THAP4: variants seen among roughly 807,000 people sequenced by gnomAD.
THAP4 encodes the protein THAP domain containing 4.
THAP4 carries 18 observed loss-of-function variants against 48.1 expected under a neutral mutation model. The observed-to-expected ratio is 0.37, with a 90% confidence interval of 0.26 to 0.56. THAP4 has a LOEUF of 0.56. Ranked by LOEUF, THAP4 falls within the 20% of genes least tolerant of loss-of-function variation. The probability of loss-of-function intolerance (pLI) is 0.78; values close to 1 mark genes in which losing one functional copy is unlikely to be tolerated. For synonymous variants in THAP4, 345 were observed against 324.9 expected (o/e 1.06, Z -0.66); for missense variants, 656 against 774.9 (o/e 0.85, Z 1.82).
intron 5 of THAP4, among the ~76,000 whole-genome samples, chr2:241,590,476 ACT>A (rs1220111081): frequency 1.3e-5 from 2 of 148,760 alleles, no homozygotes; most frequent in African/African-American, 5.0e-5. Context: ...GCACTAGGAC[ACT>A]CAGAGCTGCT....
intron 2 of THAP4, among the ~76,000 whole-genome samples, chr2:241,631,192 A>C (rs2125098710): frequency 6.6e-6 from 1 of 152,372 alleles, no homozygotes; most frequent in African/African-American, 2.4e-5. Flanking sequence ...CATCTGGAGA[A>C]CATGTCGGAT....
At chr2:241,623,725 C>A (rs1449855828) in intron 2 of THAP4, among the ~76,000 whole-genome samples, 1 of 152,008 alleles carries the variant, frequency 6.6e-6, no homozygotes, top group Non-Finnish European at 1.5e-5. Flanking sequence ...TCCATGCCCA[C>A]AAATTTAATC....
At chr2:241,604,043 A>G (rs1189987599) in intron 3 of THAP4, among the ~76,000 whole-genome samples, 1 of 151,616 alleles carries the variant, frequency 6.6e-6, no homozygotes, top group Non-Finnish European at 1.5e-5. Context: ...TCATTTCACC[A>G]ACCTTATGAG....
At chr2:241,627,677 G>A (rs2067510526) in intron 2 of THAP4, among the ~76,000 whole-genome samples, 1 of 152,204 alleles carries the variant, frequency 6.6e-6, no homozygotes, top group South Asian at 2.1e-4. Context: ...GTCTGTCACT[G>A]AAGAACAAAT....
At chr2:241,597,420 C>A (rs2067063263) in intron 5 of THAP4, among the ~76,000 whole-genome samples, 1 of 152,172 alleles carries the variant, frequency 6.6e-6, no homozygotes, top group Non-Finnish European at 1.5e-5. Context: ...AGGTGTGAGC[C>A]ACTGCGCCCA....
chr2:241,591,191 CTGA>C (rs1431498236), intron 5 of THAP4, among the ~76,000 whole-genome samples: 3 of 151,702 alleles, frequency 2.0e-5, no homozygotes, highest in Non-Finnish European at 4.4e-5. Context: ...AGCTGCTCGG[CTGA>C]TGATGATGGG....
Position 241,633,732 on chromosome 2 carries a change from C to G in THAP4, c.425G>C (p.Arg142Pro). The change falls in exon 2 of 6, where the codon CGC becomes CCC. Residue 142 changes from arginine (R) to proline (P), a missense_variant. Arg to Pro is a moderately radical substitution (Grantham distance 103, BLOSUM62 -2). Transcript: ENST00000407315. This position sits in a 1 kb window ranked among gnomAD's most constrained non-coding sequence, Gnocchi z 7.5. ...SGNPMAKPES[R>P]RLKQAALQGE... Reference sequence around the variant, plus strand: ...TTGCAGAGCAGCTTGCTTCAACCTGCGGGACTCTGGCTTGGCCATCGGGTT... The same window carrying G: ...TTGCAGAGCAGCTTGCTTCAACCTGGGGGACTCTGGCTTGGCCATCGGGTT... 1 of 1,611,418 alleles carries G rather than the reference C, an allele frequency of 6.2e-7. No individual in the cohort carries two copies. Among genetic ancestry groups the G allele is most frequent in the Non-Finnish European group, 8.5e-7 (1 of 1,178,482 alleles).
chr2:241,586,454 A>G (rs993068938), intron 5 of THAP4, among the ~76,000 whole-genome samples: 4 of 152,096 alleles, frequency 2.6e-5, no homozygotes, highest in Non-Finnish European at 5.9e-5. Flanking sequence ...TGAGGATAAC[A>G]TCAAAGGAAG....
chr2:241,625,568 A>C (rs1398950057), intron 2 of THAP4, among the ~76,000 whole-genome samples: 2 of 151,438 alleles, frequency 1.3e-5, no homozygotes, highest in African/African-American at 4.8e-5. Flanking sequence ...AGGGTGAGGC[A>C]GGCAGATCAC....
At chr2:241,617,517 G>A (rs949269867) in intron 2 of THAP4, 1 of 1,514,832 alleles carries the variant, frequency 6.6e-7, no homozygotes, top group Non-Finnish European at 8.9e-7. Context: ...GGCTCTGCAG[G>A]AAGTGAATGC....
chr2:241,598,922 T>C (rs1464179720), intron 5 of THAP4, among the ~76,000 whole-genome samples: 4 of 127,688 alleles, frequency 3.1e-5, no homozygotes, highest in African/African-American at 9.4e-5. Context: ...GCACCTGCAC[T>C]GGAAAAAAAA....
Position 241,633,735 on chromosome 2 carries a change from G to T in THAP4, c.422C>A (p.Ser141Tyr), listed in dbSNP as rs1294802777. 6.2e-7 allele frequency: 1 copy of T among 1,611,956 alleles called. No homozygotes were observed. The highest frequency in any genetic ancestry group is 2.2e-5 in the East Asian group (1 of 44,812). Residue 141 changes from serine to tyrosine, a missense_variant, in exon 2 of 6, where the codon TCC becomes TAC. Around this residue, in one of 4 missense-constraint regions of THAP4, gnomAD observed 391 missense variants for 412.4 expected, o/e 0.95. Coordinates refer to ENST00000407315, the MANE Select transcript of THAP4 (RefSeq NM_015963.6). This position sits in a 1 kb window ranked among gnomAD's most constrained non-coding sequence, Gnocchi z 7.5. ...SSGNPMAKPE[S>Y]RRLKQAALQG... ...CAGAGCAGCTTGCTTCAACCTGCGG[G>T]ACTCTGGCTTGGCCATCGGGTTTCC... is the stretch of plus-strand genomic sequence containing the variant.
chr2:241,617,234 T>G (rs907178794), intron 2 of THAP4, among the ~76,000 whole-genome samples: 2 of 152,198 alleles, frequency 1.3e-5, no homozygotes, highest in African/African-American at 4.8e-5. Flanking sequence ...AAGGACCTAG[T>G]CTATTTGTCA....
chr2:241,635,636 G>A (rs1198329193), intron 1 of THAP4, among the ~76,000 whole-genome samples: 2 of 152,084 alleles, frequency 1.3e-5, no homozygotes, highest in African/African-American at 4.8e-5. Context: ...CAGGCGTGGT[G>A]GCGCTTGCCT....
chr2:241,633,620 CAGTCCATCT>C lies in THAP4; in HGVS notation c.528_536del (p.Asp177_Leu179del). On this transcript the variant is annotated inframe_deletion, in exon 2 of 6. Transcript: ENST00000407315. This position sits in a 1 kb window ranked among gnomAD's most constrained non-coding sequence, Gnocchi z 7.5. ...CCTGACTGCCTGCCACCATGGTGGC[CAGTCCATCT>C]CCTGGAGTCCGTTCCAGAGCTTGCT... is the stretch of plus-strand genomic sequence containing the variant. The C allele has an allele frequency of 6.2e-7, 1 of 1,613,216 alleles. No individual in the cohort carries two copies. Among genetic ancestry groups the C allele is most frequent in the Non-Finnish European group, 8.5e-7 (1 of 1,179,950 alleles).
At chr2:241,585,364 C>T (rs2066880984) in intron 5 of THAP4, among the ~76,000 whole-genome samples, 1 of 147,974 alleles carries the variant, frequency 6.8e-6, no homozygotes, top group Admixed American at 6.9e-5. Context: ...CTGATGGGCA[C>T]TATCTCTCTA....
intron 3 of THAP4, among the ~76,000 whole-genome samples, 197 bp downstream of exon 3, chr2:241,606,112 TATAAC>T (rs1249264958): frequency 6.6e-6 from 1 of 152,240 alleles, no homozygotes; most frequent in Non-Finnish European, 1.5e-5. Flanking sequence ...TCTCCAAAAA[TATAAC>T]AGAACCAGAA....
intron 5 of THAP4, among the ~76,000 whole-genome samples, chr2:241,585,228 A>C (rs1290531716): frequency 1.3e-5 from 2 of 152,180 alleles, no homozygotes; most frequent in Non-Finnish European, 2.9e-5. Context: ...CATCAGAATA[A>C]ATTATAGCAG....
intron 2 of THAP4, among the ~76,000 whole-genome samples, chr2:241,625,589 G>A (rs1410776268): frequency 6.6e-6 from 1 of 151,258 alleles, no homozygotes; most frequent in African/African-American, 2.4e-5. Context: ...GAGGTCAGGA[G>A]ATCGAGACCA....
Sources: gnomAD v4.1 joint callset for allele counts (sites outside exome capture counted in the v4.1 genomes callset) on GRCh38, gnomAD v4.1.1 for gene constraint, gnomAD v4.1.1 regional missense constraint, Gnocchi (gnomAD v3.1) non-coding constraint, MANE v1.5 for transcripts, NCBI Gene and HGNC (gene_info 2026-07-23, HGNC 2026-07-21) for gene names.